CTTNBP2NL: variants seen among roughly 807,000 people sequenced by gnomAD.
CTTNBP2NL encodes the protein CTTNBP2 N-terminal-like protein.
Under a neutral mutation model 32.5 loss-of-function variants are expected in CTTNBP2NL, and 16 were observed. That is an observed-to-expected ratio of 0.49 (90% CI 0.33 to 0.75). The LOEUF is 0.75. Ranked by LOEUF, CTTNBP2NL falls within the 30% of genes least tolerant of loss-of-function variation. The pLI is 0.02. For missense variants in CTTNBP2NL, 645 were observed against 756.0 expected (o/e 0.85, Z 1.72); for synonymous variants, 298 against 289.4 (o/e 1.03, Z -0.30).
chr1:112,458,440 A>T lies in CTTNBP2NL; in HGVS notation c.*1028A>T, dbSNP rs930615711. Reference sequence around the variant, plus strand: ...ACTTTTGCTTAAATGGGAAGTATACATATATCTGTATAGATACATTACCCC... The same window carrying T: ...ACTTTTGCTTAAATGGGAAGTATACTTATATCTGTATAGATACATTACCCC... On this transcript the variant is annotated 3_prime_UTR_variant, in exon 6 of 6. Coordinates refer to ENST00000271277, the MANE Select transcript of CTTNBP2NL (RefSeq NM_018704.3). 1 of 152,670 alleles carries T rather than the reference A, an allele frequency of 6.6e-6. No individual in the cohort carries two copies. The highest frequency in any genetic ancestry group is 1.5e-5 in the Non-Finnish European group (1 of 68,048). 9.5% of individuals were successfully genotyped at this position (152,670 alleles called of 1,614,324 possible).
chr1:112,449,583 G>A (rs1650159569), intron 4 of CTTNBP2NL, among the ~76,000 whole-genome samples: 1 of 151,942 alleles, frequency 6.6e-6, no homozygotes, highest in African/African-American at 2.4e-5. Context: ...GAATTTACCT[G>A]AGGATAAACA....
chr1:112,447,101 C>T (rs750572370), intron 3 of CTTNBP2NL, among the ~76,000 whole-genome samples: 4 of 151,590 alleles, frequency 2.6e-5, no homozygotes, highest in African/African-American at 7.3e-5. Flanking sequence ...GGTGAAACCC[C>T]GTCTCTATTA....
chr1:112,424,588 A>G (rs2101009726), intron 3 of CTTNBP2NL, among the ~76,000 whole-genome samples: 1 of 152,316 alleles, frequency 6.6e-6, no homozygotes, highest in South Asian at 2.1e-4. Flanking sequence ...ATTGTATTGA[A>G]TCTAGAGATC....
intron 1 of CTTNBP2NL, among the ~76,000 whole-genome samples, chr1:112,397,430 TC>T (rs1209768746): frequency 1.3e-5 from 2 of 152,248 alleles, no homozygotes; most frequent in Admixed American, 6.5e-5. Context: ...TATAGTGTCC[TC>T]CCCGCCCCCA....
intron 3 of CTTNBP2NL, among the ~76,000 whole-genome samples, chr1:112,424,807 A>G (rs2492524): frequency 0.55 from 83,391 of 151,126 alleles, 24,069 homozygotes; most frequent in South Asian, 0.71. Context: ...TTTTGTTGTT[A>G]TTGTTGTTTT....
intron 3 of CTTNBP2NL, among the ~76,000 whole-genome samples, chr1:112,421,891 G>A (rs1649243173): frequency 6.6e-6 from 1 of 152,088 alleles, no homozygotes; most frequent in South Asian, 2.1e-4. Context: ...TAATGCAGAA[G>A]CCTTCGTAGC....
intron 3 of CTTNBP2NL, among the ~76,000 whole-genome samples, chr1:112,437,019 C>T (rs1649756201): frequency 6.6e-6 from 1 of 151,986 alleles, no homozygotes; most frequent in African/African-American, 2.4e-5. Flanking sequence ...GTATATGTAC[C>T]ACATTTTCTT....
chr1:112,405,076 CAA>C (rs1648620464), intron 1 of CTTNBP2NL, among the ~76,000 whole-genome samples: 1 of 151,742 alleles, frequency 6.6e-6, no homozygotes, highest in Non-Finnish European at 1.5e-5. Context: ...TCAAAAAAAA[CAA>C]ACAAAAAAAA....
intron 1 of CTTNBP2NL, among the ~76,000 whole-genome samples, chr1:112,408,999 G>A (rs1245001561): frequency 6.6e-6 from 1 of 152,032 alleles, no homozygotes; most frequent in Non-Finnish European, 1.5e-5. Context: ...GTGGTAGCAC[G>A]CACCTGTAGT....
chr1:112,424,876 G>A (rs2492525), intron 3 of CTTNBP2NL, among the ~76,000 whole-genome samples: 83,700 of 151,792 alleles, frequency 0.55, 24,213 homozygotes, highest in South Asian at 0.71. Context: ...GAGTGTAGTG[G>A]CATGATCATG....
intron 4 of CTTNBP2NL, among the ~76,000 whole-genome samples, chr1:112,452,335 C>CTTCTTTTTTTTTTTTTTTTT (rs1553227272): frequency 2.1e-4 from 14 of 65,686 alleles, no homozygotes; most frequent in African/African-American, 8.5e-4. Context: ...CCAGTCTCTT[C>CTTCTTTTTTTTTTTTTTTTT]TTTTTTTTTT....
intron 3 of CTTNBP2NL, among the ~76,000 whole-genome samples, chr1:112,432,508 T>G (rs1463983500): frequency 6.6e-6 from 1 of 152,172 alleles, no homozygotes; most frequent in Non-Finnish European, 1.5e-5. Context: ...ATTAAGTCTC[T>G]CTTCTTACTG....
chr1:112,450,221 C>A (rs1650176778), intron 4 of CTTNBP2NL, among the ~76,000 whole-genome samples: 1 of 152,216 alleles, frequency 6.6e-6, no homozygotes, highest in Admixed American at 6.5e-5. Context: ...TTTTCTTTCC[C>A]TTCACAGAAG....
At chr1:112,418,500 C>G (rs1649130039) in intron 3 of CTTNBP2NL, among the ~76,000 whole-genome samples, 1 of 151,766 alleles carries the variant, frequency 6.6e-6, no homozygotes, top group African/African-American at 2.4e-5. Context: ...ATGGAGGGGA[C>G]CTATACTATA....
intron 2 of CTTNBP2NL, among the ~76,000 whole-genome samples, chr1:112,413,788 CT>C (rs1442713157): frequency 2.0e-5 from 3 of 152,190 alleles, no homozygotes; most frequent in Admixed American, 6.5e-5. Flanking sequence ...TGGCTCACAC[CT>C]TTAATCTCAG....
intron 3 of CTTNBP2NL, among the ~76,000 whole-genome samples, chr1:112,432,811 C>T (rs1261363683): frequency 6.7e-6 from 1 of 149,832 alleles, no homozygotes; most frequent in African/African-American, 2.4e-5. Flanking sequence ...CACCCTAGTT[C>T]TCTTTCTCTC....
chr1:112,410,350 C>T, intron 1 of CTTNBP2NL, among the ~76,000 whole-genome samples: 1 of 150,402 alleles, frequency 6.6e-6, no homozygotes, highest in African/African-American at 2.5e-5. Context: ...AAGATCGTGC[C>T]ATTGCACTCC....
chr1:112,444,920 A>G (rs938518553), intron 3 of CTTNBP2NL, among the ~76,000 whole-genome samples: 1 of 152,124 alleles, frequency 6.6e-6, no homozygotes, highest in Non-Finnish European at 1.5e-5. Context: ...TCTGCCCCCA[A>G]ATTTACCAGA....
At chr1:112,393,815 T>C (rs1380845877), upstream of CTTNBP2NL, among the ~76,000 whole-genome samples, 3 of 152,126 alleles carry the variant, frequency 2.0e-5, no homozygotes, top group African/African-American at 7.2e-5. Context: ...TGCCCATTGC[T>C]CTAAAGGAAG....
Sources: gnomAD v4.1 joint callset for allele counts (sites outside exome capture counted in the v4.1 genomes callset) on GRCh38, gnomAD v4.1.1 for gene constraint, MANE v1.5 for transcripts, NCBI Gene and HGNC (gene_info 2026-07-23, HGNC 2026-07-21) for gene names.